The following PRRC2C variants were observed in gnomAD, a reference collection of about 807,000 sequenced individuals.
PRRC2C encodes the protein protein PRRC2C.
In PRRC2C, 72 loss-of-function variants were observed where a neutral mutation model predicts 317.2. The ratio of observed to expected loss-of-function variants is 0.23; its 90% CI spans 0.19 to 0.28. The LOEUF (loss-of-function observed/expected upper bound fraction) is 0.28, where lower values mean the gene tolerates loss of function less well. Ranked by LOEUF, PRRC2C falls within the 10% of genes least tolerant of loss-of-function variation. PRRC2C has a pLI of 1.00. For synonymous variants in PRRC2C, 1,296 were observed against 1,205.9 expected (o/e 1.07, Z -1.55); for missense variants, 3,074 against 3,459.7 (o/e 0.89, Z 2.80).
At chr1:171,591,341 A>C in intron 34 of PRRC2C, 1 of 720,152 alleles carries the variant, frequency 1.4e-6, no homozygotes, top group Non-Finnish European at 1.9e-6. Flanking sequence ...GAGAGGGCAG[A>C]CCTTGAAAAG....
Position 171,540,644 on chromosome 1 carries a change from C to G in PRRC2C, c.3178C>G (p.Leu1060Val). The stretch of plus-strand genomic sequence containing the variant: ...GCCTGAAAAGACGGAAAAGAAGGAT[C>G]TTCCTCCTCCCCCACCACCACCTCA... ...VKPEKTEKKD[L>V]PPPPPPPQPP... The change falls in exon 16 of 35, where the codon CTT becomes GTT. Residue 1060 changes from leucine (L) to valine (V), a missense_variant. By Grantham distance (32) the Leu-to-Val change is conservative (BLOSUM62 1). Coordinates refer to ENST00000647382, the MANE Select transcript of PRRC2C (RefSeq NM_001387844.1). 1 of 1,613,966 alleles carries G rather than the reference C, an allele frequency of 6.2e-7. No homozygotes were observed. Among genetic ancestry groups the G allele is most frequent in the South Asian group, 1.1e-5 (1 of 91,086 alleles).
At position 171,558,104 on chromosome 1, in the gene PRRC2C, G is replaced by C; in HGVS notation, c.5992G>C (p.Val1998Leu). ...TLTAELWDNKVAPPAVLNDIS... is the reference protein window; with the variant it reads ...TLTAELWDNKLAPPAVLNDIS... ...GACAGCTGAATTATGGGATAACAAGGTGGCCCCACCAGCTGTGCTGAATGA... is the reference window on the plus strand; with the variant it reads ...GACAGCTGAATTATGGGATAACAAGCTGGCCCCACCAGCTGTGCTGAATGA... Residue 1998 changes from valine to leucine, a missense_variant, in exon 19 of 35, where the codon GTG (valine) becomes CTG (leucine). Coordinates refer to ENST00000647382, the MANE Select transcript of PRRC2C (RefSeq NM_001387844.1). 1 of 1,613,730 alleles carries C rather than the reference G, an allele frequency of 6.2e-7. No individual in the cohort carries two copies. The highest frequency in any genetic ancestry group is 1.1e-5 in the South Asian group (1 of 91,068).
chr1:171,563,004 T>G (rs1682983899), intron 20 of PRRC2C, among the ~76,000 whole-genome samples: 4 of 152,172 alleles, frequency 2.6e-5, no homozygotes, highest in Admixed American at 2.6e-4. Context: ...AGGGATAGAT[T>G]AAGTGTGTCA....
chr1:171,541,866 C>T lies in PRRC2C; in HGVS notation c.4400C>T (p.Ala1467Val). ...VPTNGTVNNV[A>V]QEPVNTLGDI... ...ACAAATGGCACAGTTAATAATGTGG[C>T]TCAAGAACCAGTTAATACTCTTGGG... The change falls in exon 16 of 35, where the codon GCT becomes GTT. Residue 1467 changes from alanine to valine, a missense_variant. Around this residue, in one of 11 missense-constraint regions of PRRC2C, gnomAD observed 1,320 missense variants for 1,395.7 expected, o/e 0.95. Coordinates refer to ENST00000647382, the MANE Select transcript of PRRC2C (RefSeq NM_001387844.1). This position sits in a 1 kb window ranked among gnomAD's most constrained non-coding sequence, Gnocchi z 4.1. The T allele has an allele frequency of 6.2e-7, 1 of 1,613,796 alleles. No individual in the cohort carries two copies. The highest frequency in any genetic ancestry group is 8.5e-7 in the Non-Finnish European group (1 of 1,179,878).
At chr1:171,512,832 G>A in intron 2 of PRRC2C, 163 bp from the exon 3 acceptor site, 1 of 594,704 alleles carries the variant, frequency 1.7e-6, no homozygotes, top group Non-Finnish European at 2.7e-6. Flanking sequence ...ACACTGAAAT[G>A]TGTTGCAGGT....
intron 1 of PRRC2C, among the ~76,000 whole-genome samples, chr1:171,488,554 C>G (rs1666546024): frequency 6.6e-6 from 1 of 152,202 alleles, no homozygotes. Context: ...CCTCCAACTC[C>G]TGGGCTCAAG....
intron 3 of PRRC2C, chr1:171,513,586 A>G (rs1286548729): frequency 1.9e-5 from 7 of 369,726 alleles, no homozygotes; most frequent in Non-Finnish European, 3.8e-5. Context: ...TCAAGTAATA[A>G]TTTGTATATA....
intron 1 of PRRC2C, among the ~76,000 whole-genome samples, chr1:171,502,885 G>A (rs1669395460): frequency 6.6e-6 from 1 of 151,998 alleles, no homozygotes. Flanking sequence ...CACACACCCG[G>A]CTAGTTTTTA....
chr1:171,489,780 A>C (rs1273379751), intron 1 of PRRC2C, among the ~76,000 whole-genome samples: 1 of 152,202 alleles, frequency 6.6e-6, no homozygotes, highest in South Asian at 2.1e-4. Context: ...GCCTAACTCA[A>C]CTACATGGGT....
intron 3 of PRRC2C, chr1:171,513,423 TC>T: frequency 1.8e-6 from 1 of 568,398 alleles, no homozygotes. Context: ...TTTATTAGGC[TC>T]CCCGCTTTCA....
At chr1:171,521,788 C>T (rs1427086476) in intron 6 of PRRC2C, among the ~76,000 whole-genome samples, 2 of 152,142 alleles carry the variant, frequency 1.3e-5, no homozygotes, top group African/African-American at 2.4e-5. Context: ...GTGTACATAT[C>T]CTGTTGATAC....
At chr1:171,528,449 C>T (rs939137765) in intron 11 of PRRC2C, among the ~76,000 whole-genome samples, 42 of 152,072 alleles carry the variant, frequency 2.8e-4, no homozygotes, top group African/African-American at 7.5e-4. Flanking sequence ...CCACCACGCC[C>T]GGCTAATTTT....
intron 12 of PRRC2C, among the ~76,000 whole-genome samples, chr1:171,533,804 A>G (rs1676307270): frequency 6.6e-6 from 1 of 152,130 alleles, no homozygotes; most frequent in African/African-American, 2.4e-5. Context: ...TTGTATTTTT[A>G]GTAGAGACGG....
Position 171,524,853 on chromosome 1 carries a change from A to G in PRRC2C, c.1088A>G (p.Asn363Ser). The G allele has an allele frequency of 6.3e-7, 1 of 1,586,676 alleles. No homozygotes were observed. The highest frequency in any genetic ancestry group is 8.6e-7 in the Non-Finnish European group (1 of 1,165,050). Residue 363 changes from asparagine to serine, a missense_variant, in exon 10 of 35, where the codon AAC becomes AGC. Asn to Ser is a conservative substitution (Grantham distance 46). Coordinates refer to ENST00000647382, the MANE Select transcript of PRRC2C (RefSeq NM_001387844.1). ...EDQGSKASEN[N>S]ENKKETDEVS... ...CAAGGTTCAAAAGCCTCTGAAAACA[A>G]CGAAAACAAAAAAGAAACAGATGAA...
intron 20 of PRRC2C, among the ~76,000 whole-genome samples, chr1:171,565,082 GATTA>G (rs1239383714): frequency 6.6e-6 from 1 of 152,114 alleles, no homozygotes; most frequent in Admixed American, 6.5e-5. Flanking sequence ...TTCATGAAAA[GATTA>G]ATTGTTGTAA....
rs947812012 is a variant in PRRC2C at position 171,591,316 on chromosome 1, A to G, written c.8437-271A>G. 45 of 762,576 alleles carry G rather than the reference A, an allele frequency of 5.9e-5. No homozygotes were observed. In the Admixed American group the frequency reaches 1.5e-3, roughly 25 times the overall value. The allele number at this position is 762,576 out of a possible 1,614,324, so 47.2% of individuals were successfully genotyped here. On this transcript the variant is annotated intron_variant, in intron 34 of 34. Transcript: ENST00000647382. Reference sequence around the variant, plus strand: ...TTTAGATTTGCAAGCAGGTTCCCTAAATAAAATTTAATATGAGAGGGCAGA... The same window carrying G: ...TTTAGATTTGCAAGCAGGTTCCCTAGATAAAATTTAATATGAGAGGGCAGA...
Position 171,522,193 on chromosome 1 carries a change from C to T in PRRC2C, c.767C>T (p.Pro256Leu), listed in dbSNP as rs762204266. 6 of 1,580,936 alleles carry T rather than the reference C, an allele frequency of 3.8e-6. No individual in the cohort carries two copies. Among genetic ancestry groups the T allele is most frequent in the African/African-American group, 1.3e-5 (1 of 74,306 alleles). Residue 256 changes from proline (P) to leucine (L), a missense_variant, in exon 7 of 35, where the codon CCG becomes CTG. By Grantham distance (98) the Pro-to-Leu change is moderately conservative (BLOSUM62 -3). Around this residue, in one of 11 missense-constraint regions of PRRC2C, gnomAD observed 237 missense variants for 199.5 expected, o/e 1.19. Coordinates refer to ENST00000647382, the MANE Select transcript of PRRC2C (RefSeq NM_001387844.1). Reference sequence around the variant, plus strand: ...TTCATTCAGATGTTCCAACAGTATCCGAGGATGACATATCCTCCTCTACAT... The same window carrying T: ...TTCATTCAGATGTTCCAACAGTATCTGAGGATGACATATCCTCCTCTACAT... ...MMPPYMFQQY[P>L]RMTYPPLHGP... is the part of the protein sequence containing the mutation.
intron 1 of PRRC2C, among the ~76,000 whole-genome samples, chr1:171,493,088 G>GAGAAGGAAAGAGAGAA (rs1553200647): frequency 1.3e-5 from 2 of 151,526 alleles, no homozygotes; most frequent in Non-Finnish European, 1.5e-5. Flanking sequence ...AATAAAAGAA[G>GAGAAGGAAAGAGAGAA]AGAAGGAAGG....
chr1:171,559,505 GTTTGTTTTTTTT>G lies in PRRC2C; in HGVS notation c.6031+1366_6031+1377del, dbSNP rs1468750654. On this transcript the variant is annotated intron_variant, in intron 19 of 34. Coordinates refer to ENST00000647382, the MANE Select transcript of PRRC2C (RefSeq NM_001387844.1). ...ATCTGTTTACAAAATGGCATACCAA[GTTTGTTTTTTTT>G]TTTTTTTTTTTTTTTTTTTTTTTGA... 9.5e-5 allele frequency among the ~76,000 whole-genome samples: 9 copies of G among 95,120 alleles called. 1 individual carries two copies. Among genetic ancestry groups the G allele is most frequent in the South Asian group, 3.7e-4 (1 of 2,690 alleles). 62.4% of individuals were successfully genotyped at this position (95,120 alleles called of 152,430 possible). A position where few individuals can be genotyped will look rare whatever the true frequency, so the allele number is the denominator to read the frequency against.
Sources: gnomAD v4.1 joint callset for allele counts (sites outside exome capture counted in the v4.1 genomes callset) on GRCh38, gnomAD v4.1.1 for gene constraint, gnomAD v4.1.1 regional missense constraint, Gnocchi (gnomAD v3.1) non-coding constraint, MANE v1.5 for transcripts, NCBI Gene and HGNC (gene_info 2026-07-23, HGNC 2026-07-21) for gene names.